The following RANBP2 variants were observed in gnomAD, a reference collection of about 807,000 sequenced individuals.
The protein encoded by RANBP2 is E3 SUMO-protein ligase RanBP2.
Under a neutral mutation model 303.6 loss-of-function variants are expected in RANBP2, and 57 were observed. The ratio of observed to expected loss-of-function variants is 0.19; its 90% confidence interval spans 0.15 to 0.23. RANBP2 has a LOEUF of 0.23. Ranked by LOEUF, RANBP2 falls within the 10% of genes least tolerant of loss-of-function variation. The pLI, the probability that RANBP2 is intolerant of heterozygous loss-of-function variation, is 1.00. For synonymous variants in RANBP2, 1,167 were observed against 1,301.5 expected, an observed-to-expected ratio of 0.90 and a Z score of 2.23; for missense variants, 3,138 against 3,780.8, an observed-to-expected ratio of 0.83 and a Z score of 4.46.
chr2:109,623,340 G>A, the RANBP2 span, among the ~76,000 whole-genome samples: 1 of 152,158 alleles, frequency 6.6e-6, no homozygotes, highest in Non-Finnish European at 1.5e-5. Flanking sequence ...TGCACCACCA[G>A]TTTTCTTGCC....
the RANBP2 span, among the ~76,000 whole-genome samples, chr2:109,073,529 T>A: frequency 1.3e-5 from 2 of 149,690 alleles, no homozygotes; most frequent in Middle Eastern, 3.4e-3. Flanking sequence ...ATTAGCTGGG[T>A]GTGGTGGCAC....
At chr2:109,108,860 G>A in the RANBP2 span, among the ~76,000 whole-genome samples, 1 of 152,260 alleles carries the variant, frequency 6.6e-6, no homozygotes, top group African/African-American at 2.4e-5. Flanking sequence ...GAACTGGCCC[G>A]AAAAACCTTG....
the RANBP2 span, chr2:109,732,990 A>G: frequency 3.1e-5 from 18 of 590,158 alleles, no homozygotes; most frequent in Admixed American, 1.5e-4. Flanking sequence ...TCTTGGGGTC[A>G]TCGTCCTTGA....
the RANBP2 span, among the ~76,000 whole-genome samples, chr2:108,870,509 CAAGG>C: frequency 6.6e-6 from 1 of 152,128 alleles, no homozygotes; most frequent in South Asian, 2.1e-4. Context: ...CAAAGAAACT[CAAGG>C]AATCCACATT....
At chr2:108,865,791 G>T in the RANBP2 span, among the ~76,000 whole-genome samples, 3 of 152,086 alleles carry the variant, frequency 2.0e-5, no homozygotes, top group African/African-American at 7.2e-5. Context: ...GTTTTTGCCT[G>T]CTTACTCCGT....
chr2:109,432,253 G>A, the RANBP2 span, among the ~76,000 whole-genome samples: 2 of 152,178 alleles, frequency 1.3e-5, no homozygotes, highest in Non-Finnish European at 2.9e-5. Flanking sequence ...ATCCTCCTAA[G>A]GCTGTGGGTG....
chr2:109,349,907 C>T, the RANBP2 span, among the ~76,000 whole-genome samples: 4 of 152,254 alleles, frequency 2.6e-5, no homozygotes, highest in African/African-American at 9.6e-5. Context: ...GGCACCTGCC[C>T]ATTTATTCCA....
At chr2:109,571,268 T>C in the RANBP2 span, among the ~76,000 whole-genome samples, 41 of 152,240 alleles carry the variant, frequency 2.7e-4, no homozygotes, top group Admixed American at 2.7e-3. Context: ...TAGTTCTTTA[T>C]AGCAATGCGA....
chr2:109,096,024 A>C, the RANBP2 span, among the ~76,000 whole-genome samples: 1 of 152,254 alleles, frequency 6.6e-6, no homozygotes, highest in South Asian at 2.1e-4. Flanking sequence ...TACCAGAGTA[A>C]AGGTTTTTCT....
the RANBP2 span, among the ~76,000 whole-genome samples, chr2:109,342,039 C>T: frequency 4.6e-5 from 7 of 152,202 alleles, no homozygotes; most frequent in East Asian, 1.2e-3. Flanking sequence ...GGCCTATGGA[C>T]GAATGTGTTC....
the RANBP2 span, among the ~76,000 whole-genome samples, chr2:109,597,598 G>GT: frequency 6.6e-6 from 1 of 152,164 alleles, no homozygotes; most frequent in Non-Finnish European, 1.5e-5. Flanking sequence ...TGCTTTTCCT[G>GT]TAGCTTCTAT....
the RANBP2 span, among the ~76,000 whole-genome samples, chr2:108,802,381 C>G: frequency 2.3e-5 from 3 of 133,036 alleles, no homozygotes; most frequent in East Asian, 4.2e-4. Context: ...ATTTTATTCT[C>G]TTTGAAGCAA....
the RANBP2 span, among the ~76,000 whole-genome samples, chr2:109,416,731 A>G: frequency 6.6e-6 from 1 of 151,844 alleles, no homozygotes; most frequent in Admixed American, 6.6e-5. Flanking sequence ...CTCTGTCTCA[A>G]TACAACAACA....
the RANBP2 span, among the ~76,000 whole-genome samples, chr2:109,237,572 C>CT: frequency 5.9e-5 from 9 of 152,316 alleles, no homozygotes; most frequent in Non-Finnish European, 2.9e-5. Context: ...AATTCGCAAA[C>CT]TTTCTTAAAA....
At chr2:109,439,162 G>A in the RANBP2 span, among the ~76,000 whole-genome samples, 1 of 152,156 alleles carries the variant, frequency 6.6e-6, no homozygotes, top group Non-Finnish European at 1.5e-5. Context: ...AGGCTGTGGG[G>A]CAGTGCAACA....
the RANBP2 span, among the ~76,000 whole-genome samples, chr2:109,359,638 G>C: frequency 6.6e-5 from 10 of 152,194 alleles, no homozygotes; most frequent in Admixed American, 5.9e-4. Context: ...CTGGAAACTT[G>C]AAATCCAGAA....
intron 3 of RANBP2, 106 bp downstream of exon 3, chr2:108,730,991 C>T: frequency 7.7e-7 from 1 of 1,294,140 alleles, no homozygotes; most frequent in Non-Finnish European, 1.1e-6. Context: ...ATAAAACAGG[C>T]ATTGGTATCA....
the RANBP2 span, among the ~76,000 whole-genome samples, chr2:109,067,442 T>C: frequency 6.6e-6 from 1 of 152,148 alleles, no homozygotes; most frequent in Non-Finnish European, 1.5e-5. Flanking sequence ...ACTTTCACCA[T>C]GGGGGAGGCA....
the RANBP2 span, among the ~76,000 whole-genome samples, chr2:109,433,011 A>G: frequency 2.6e-5 from 4 of 152,366 alleles, no homozygotes; most frequent in Admixed American, 1.3e-4. Context: ...CAGTGTGTTC[A>G]GCGTGTATGC....
Sources: gnomAD v4.1 joint callset for allele counts (sites outside exome capture counted in the v4.1 genomes callset) on GRCh38, gnomAD v4.1.1 for gene constraint, MANE v1.5 for transcripts, NCBI Gene and HGNC (gene_info 2026-07-23, HGNC 2026-07-21) for gene names.